ADGRG4: variants seen among roughly 807,000 people sequenced by gnomAD.
ADGRG4 encodes the protein G protein-coupled receptor 112.
Under a neutral mutation model 126.2 loss-of-function variants are expected in ADGRG4, and 122 were observed. The observed-to-expected ratio is 0.97, with a 90% CI of 0.83 to 1.12. ADGRG4 has a LOEUF of 1.12. Among genes scored for constraint, ADGRG4 ranks in the 50% most tolerant of loss-of-function variants. The probability of loss-of-function intolerance (pLI) is 0.00; values close to 1 mark genes in which losing one functional copy is unlikely to be tolerated. For synonymous variants in ADGRG4, 943 were observed against 838.7 expected (o/e 1.12, Z -2.15); for missense variants, 2,481 against 2,251.8 (o/e 1.10, Z -2.06).
At chrX:136,366,409 A>G (rs1167318223) in intron 13 of ADGRG4, among the ~76,000 whole-genome samples, 1 of 112,064 alleles carries the variant, frequency 8.9e-6, no homozygotes, top group Non-Finnish European at 1.9e-5. Context: ...CATTGTCTGG[A>G]TGTACCACAG....
chrX:136,414,084 A>G, intron 24 of ADGRG4, 76 bp from the exon 25 acceptor site: 1 of 859,431 alleles, frequency 1.2e-6, no homozygotes, highest in Non-Finnish European at 1.6e-6. Context: ...TGTAATTTAT[A>G]TACCATACAA....
intron 5 of ADGRG4, among the ~76,000 whole-genome samples, chrX:136,342,921 T>TGTGTGAGAGAGA (rs1251871214): frequency 1.2e-4 from 10 of 84,311 alleles, no homozygotes; most frequent in African/African-American, 3.8e-4. Flanking sequence ...TGTGTGTGTG[T>TGTGTGAGAGAGA]GAGAGAGAGA....
At position 136,337,458 on chromosome X, in the gene ADGRG4, T is replaced by A. The variant is rs1307803473; in HGVS notation, c.686-6934T>A. ...TTAAAAAAATTATTTCTGTTTGAAG[T>A]AATTCCTTTAGCTAATCTTTTAAAG... On this transcript the variant is annotated intron_variant, in intron 5 of 25. Coordinates refer to ENST00000394143, the MANE Select transcript of ADGRG4 (RefSeq NM_153834.4). Among the ~76,000 whole-genome samples the A allele has an allele frequency of 2.7e-5, 3 of 112,619 alleles. No individual in the cohort carries two copies. The Admixed American group carries it at 2.8e-4, about 11-fold the overall frequency.
intron 8 of ADGRG4, among the ~76,000 whole-genome samples, chrX:136,354,878 G>A (rs1458806395): frequency 1.8e-5 from 2 of 111,497 alleles, no homozygotes; most frequent in African/African-American, 6.5e-5. Flanking sequence ...GATCTCCCTG[G>A]GTGCACCACC....
chrX:136,336,219 A>G (rs2074947553), intron 5 of ADGRG4, among the ~76,000 whole-genome samples: 1 of 111,169 alleles, frequency 9.0e-6, no homozygotes, highest in Non-Finnish European at 1.9e-5. Context: ...ATCAGAGAAA[A>G]CCATCTTATA....
At chrX:136,413,102 T>A (rs2075455405) in intron 24 of ADGRG4, among the ~76,000 whole-genome samples, 1 of 110,244 alleles carries the variant, frequency 9.1e-6, no homozygotes, top group Admixed American at 9.7e-5. Flanking sequence ...ATTTTTTTTA[T>A]TATACTTTAA....
chrX:136,387,752 A>T lies in ADGRG4; in HGVS notation c.7789A>T (p.Asn2597Tyr). 1 of 1,206,909 alleles carries T rather than the reference A, an allele frequency of 8.3e-7. No homozygotes were observed. The highest frequency in any genetic ancestry group is 1.1e-6 in the Non-Finnish European group (1 of 893,551). The stretch of plus-strand genomic sequence containing the variant: ...CTTTTCTTGGCAGATTTTCCTAGGC[A>T]ATGTCCCTGTGGGAGGGATTTTGGC... ...EGTDPEIFLG[N>Y]VPVGGILASI... is the part of the protein sequence containing the mutation. The change falls in exon 16 of 26, where the codon AAT becomes TAT. Residue 2597 changes from asparagine to tyrosine, a missense_variant. Transcript: ENST00000394143.
rs750990166 is a variant in ADGRG4 at position 136,403,266 on chromosome X, A to G, written c.8598A>G (p.Ala2866=). Residue 2866 remains alanine (A), a synonymous_variant, in exon 22 of 26, where the codon GCA becomes GCG. Coordinates refer to ENST00000394143, the MANE Select transcript of ADGRG4 (RefSeq NM_153834.4). ...CAGGAATCCCGGCTATCATGGTGGC[A>G]ATCACAGTCAGTGTGAAAAAAGATC... ...VGWGIPAIMV[A]ITVSVKKDLY... 3.0e-5 allele frequency: 36 copies of G among 1,210,426 alleles called. No homozygotes were observed. The South Asian group carries it at 6.2e-4, about 21-fold the overall frequency.
rs2075276474 is a variant in ADGRG4 at position 136,383,825 on chromosome X, T to TCTTC, written c.7777-3912_7777-3911insCCTT. Among the ~76,000 whole-genome samples the TCTTC allele has an allele frequency of 4.7e-5, 4 of 85,518 alleles. No individual in the cohort carries two copies. The South Asian group carries it at 2.4e-3, about 51-fold the overall frequency. The allele number at this position is 85,518 out of a possible 115,157, so 74.3% of individuals were successfully genotyped here. A position where few individuals can be genotyped will look rare whatever the true frequency, so the allele number is the denominator to read the frequency against. On this transcript the variant is annotated intron_variant, in intron 15 of 25. Coordinates refer to ENST00000394143, the MANE Select transcript of ADGRG4 (RefSeq NM_153834.4). ...TTATATATATTTGCCTTTCTTTCTT[T>TCTTC]CTTTCTTTCTTTCTTTCTTTCTTTC...
intron 4 of ADGRG4, among the ~76,000 whole-genome samples, chrX:136,312,890 G>A (rs777118066): frequency 9.0e-6 from 1 of 111,716 alleles, no homozygotes; most frequent in South Asian, 3.7e-4. Flanking sequence ...GGACGTTTCA[G>A]GTAAATGGAA....
intron 5 of ADGRG4, among the ~76,000 whole-genome samples, chrX:136,339,944 CACTT>C (rs2074969989): frequency 9.0e-6 from 1 of 111,671 alleles, no homozygotes; most frequent in Admixed American, 9.5e-5. Flanking sequence ...CTACCTTACT[CACTT>C]ACAACATTTT....
At position 136,389,844 on chromosome X, in the gene ADGRG4, A is replaced by G. The variant is rs1259353818; in HGVS notation, c.7911+1970A>G. ...TCTGCTGGAGGGGAAAACAGACCTA[A>G]ATGTTCTAACATTAAAGGGGTGACC... is the stretch of plus-strand genomic sequence containing the variant. On this transcript the variant is annotated intron_variant, in intron 16 of 25. Coordinates refer to ENST00000394143, the MANE Select transcript of ADGRG4 (RefSeq NM_153834.4). Among the ~76,000 whole-genome samples the G allele has an allele frequency of 6.3e-5, 7 of 111,807 alleles. No homozygotes were observed. The Admixed American group carries it at 6.6e-4, about 11-fold the overall frequency.
chrX:136,388,443 A>G (rs1313662517), intron 16 of ADGRG4, among the ~76,000 whole-genome samples: 1 of 112,397 alleles, frequency 8.9e-6, no homozygotes, highest in Non-Finnish European at 1.9e-5. Context: ...TGGCAATGCC[A>G]TATTCTGCCT....
intron 5 of ADGRG4, among the ~76,000 whole-genome samples, chrX:136,323,944 G>C (rs2074856693): frequency 1.8e-5 from 2 of 111,598 alleles, no homozygotes; most frequent in South Asian, 3.8e-4. Flanking sequence ...TCATGACCTA[G>C]ACATTTTTAG....
chrX:136,336,822 G>A (rs2074950954), intron 5 of ADGRG4, among the ~76,000 whole-genome samples: 1 of 111,878 alleles, frequency 8.9e-6, no homozygotes, highest in African/African-American at 3.2e-5. Flanking sequence ...GGGGTTTTGA[G>A]TTTCTCTTTG....
chrX:136,314,952 T>A (rs1034222724), intron 4 of ADGRG4, among the ~76,000 whole-genome samples: 1 of 111,757 alleles, frequency 8.9e-6, no homozygotes, highest in Non-Finnish European at 1.9e-5. Flanking sequence ...AAAAATCACA[T>A]GACCTATGTG....
intron 7 of ADGRG4, 56 bp from the exon 8 acceptor site, chrX:136,353,281 C>A: frequency 1.2e-6 from 1 of 806,861 alleles, no homozygotes; most frequent in Non-Finnish European, 1.9e-6. Flanking sequence ...AGTGATTTTG[C>A]TGAGTTAAAC....
At chrX:136,415,630 T>C (rs2075471700) in intron 25 of ADGRG4, among the ~76,000 whole-genome samples, 1 of 111,576 alleles carries the variant, frequency 9.0e-6, no homozygotes, top group Non-Finnish European at 1.9e-5. Context: ...GGATATGTCT[T>C]GGTGCTCATA....
intron 19 of ADGRG4, 27 bp from the exon 20 acceptor site, chrX:136,397,854 T>C: frequency 8.3e-7 from 1 of 1,201,011 alleles, no homozygotes. Flanking sequence ...GGTGTATGTG[T>C]AAAACACAAC....
Sources: allele counts gnomAD v4.1 joint callset (sites outside exome capture counted in the v4.1 genomes callset), GRCh38; gene constraint gnomAD v4.1.1; transcripts MANE v1.5; gene names NCBI Gene and HGNC (gene_info 2026-07-23, HGNC 2026-07-21).